The following RNF121 variants were observed in gnomAD, a reference collection of about 807,000 sequenced individuals.
RNF121 encodes the protein E3 ubiquitin ligase RNF121.
RNF121 carries 21 observed loss-of-function variants against 46.5 expected under a neutral mutation model. The observed-to-expected ratio is 0.45, with a 90% CI of 0.32 to 0.65. The LOEUF is 0.65. RNF121 is among the 30% of genes least tolerant of loss of function. The pLI is 0.04. For missense variants in RNF121, 346 were observed against 416.0 expected, an observed-to-expected ratio of 0.83 and a Z score of 1.46; for synonymous variants, 139 against 144.7, an observed-to-expected ratio of 0.96 and a Z score of 0.28.
intron 2 of RNF121, among the ~76,000 whole-genome samples, chr11:71,959,455 A>G (rs1954074740): frequency 6.6e-6 from 1 of 152,184 alleles, no homozygotes. Flanking sequence ...TTCCATGAAG[A>G]CACTATTTAT....
chr11:71,936,514 C>T (rs1217422695), intron 1 of RNF121, among the ~76,000 whole-genome samples: 1 of 151,862 alleles, frequency 6.6e-6, no homozygotes, highest in African/African-American at 2.4e-5. Flanking sequence ...CTCAGCCTCC[C>T]GAGTAGCTGG....
At chr11:71,934,210 T>C (rs1002092117) in intron 1 of RNF121, among the ~76,000 whole-genome samples, 3 of 152,270 alleles carry the variant, frequency 2.0e-5, no homozygotes, top group Admixed American at 1.3e-4. Context: ...AACTTAGTCC[T>C]CAAACTTCTG....
intron 5 of RNF121, among the ~76,000 whole-genome samples, chr11:71,989,749 T>A (rs1170991453): frequency 6.6e-6 from 1 of 152,338 alleles, no homozygotes; most frequent in South Asian, 2.1e-4. Flanking sequence ...TTAAATAGAC[T>A]TGGACCAAAA....
chr11:71,946,621 A>G (rs1290276563), intron 1 of RNF121, among the ~76,000 whole-genome samples: 1 of 151,796 alleles, frequency 6.6e-6, no homozygotes, highest in Non-Finnish European at 1.5e-5. Context: ...GGGGATGGGA[A>G]TGAGGAGTTA....
chr11:71,951,922 A>G (rs890750577), intron 1 of RNF121, among the ~76,000 whole-genome samples: 4 of 152,214 alleles, frequency 2.6e-5, no homozygotes, highest in African/African-American at 9.6e-5. Flanking sequence ...TAGTTCCTCA[A>G]AAGGTTAAGC....
chr11:71,990,174 C>T (rs1954838980), intron 5 of RNF121, among the ~76,000 whole-genome samples: 2 of 152,188 alleles, frequency 1.3e-5, no homozygotes, highest in African/African-American at 4.8e-5. Context: ...GATGGCTCAG[C>T]TGTTTCAACT....
chr11:71,994,514 A>G (rs903775096), intron 6 of RNF121, among the ~76,000 whole-genome samples: 1 of 151,826 alleles, frequency 6.6e-6, no homozygotes, highest in African/African-American at 2.4e-5. Context: ...ACTTCTCCCC[A>G]TCTGCCCAGC....
intron 1 of RNF121, among the ~76,000 whole-genome samples, chr11:71,936,685 C>T (rs903084859): frequency 1.4e-4 from 21 of 152,194 alleles, no homozygotes; most frequent in African/African-American, 4.6e-4. Flanking sequence ...TGAGCCACTG[C>T]GCCCGGCCTT....
chr11:71,964,167 TG>T (rs1187193216), intron 3 of RNF121, among the ~76,000 whole-genome samples: 1 of 152,230 alleles, frequency 6.6e-6, no homozygotes, highest in African/African-American at 2.4e-5. Context: ...TTCATTTATT[TG>T]GGTCTTTAAT....
At chr11:71,971,152 G>T (rs1380876653) in intron 3 of RNF121, among the ~76,000 whole-genome samples, 1 of 152,296 alleles carries the variant, frequency 6.6e-6, no homozygotes, top group South Asian at 2.1e-4. Context: ...GGGAGGCTGA[G>T]GGGGGCAGAT....
chr11:71,959,672 GT>G (rs1456869178), intron 2 of RNF121, among the ~76,000 whole-genome samples: 25 of 118,736 alleles, frequency 2.1e-4, no homozygotes, highest in Admixed American at 5.3e-4. Flanking sequence ...ATCTCATTCT[GT>G]CGCCCAGGAC....
intron 4 of RNF121, among the ~76,000 whole-genome samples, chr11:71,985,117 A>G (rs1954747703): frequency 6.6e-6 from 1 of 151,968 alleles, no homozygotes; most frequent in African/African-American, 2.4e-5. Context: ...AGTAGAGACA[A>G]GGTCTTACTG....
intron 1 of RNF121, among the ~76,000 whole-genome samples, chr11:71,956,701 C>G (rs1380848065): frequency 6.6e-6 from 1 of 152,190 alleles, no homozygotes; most frequent in Non-Finnish European, 1.5e-5. Flanking sequence ...ACTTTTTGCT[C>G]TAGCCATACT....
At chr11:71,970,712 A>G (rs1326834002) in intron 3 of RNF121, among the ~76,000 whole-genome samples, 1 of 152,210 alleles carries the variant, frequency 6.6e-6, no homozygotes, top group Non-Finnish European at 1.5e-5. Flanking sequence ...TGGTCCATGC[A>G]TGGACTAATG....
chr11:71,970,582 G>A (rs572211598), intron 3 of RNF121, among the ~76,000 whole-genome samples: 1 of 151,828 alleles, frequency 6.6e-6, no homozygotes, highest in East Asian at 1.9e-4. Context: ...AGATTGCTTG[G>A]GCCCAGGAGT....
chr11:71,965,087 TA>T (rs938669048), intron 3 of RNF121, among the ~76,000 whole-genome samples: 2 of 152,198 alleles, frequency 1.3e-5, no homozygotes, highest in African/African-American at 4.8e-5. Flanking sequence ...GAACCACTGT[TA>T]ATCAATTTGT....
At chr11:71,942,795 T>C (rs866998902) in intron 1 of RNF121, among the ~76,000 whole-genome samples, 1 of 60,454 alleles carries the variant, frequency 1.7e-5, no homozygotes, top group African/African-American at 7.3e-5. Context: ...TATATAGATA[T>C]ATATATGTAC....
chr11:71,969,299 T>G (rs1240762745), intron 3 of RNF121, among the ~76,000 whole-genome samples: 2 of 152,108 alleles, frequency 1.3e-5, no homozygotes, highest in East Asian at 3.9e-4. Context: ...CATAATGGAA[T>G]ATAACATATA....
At chr11:71,970,203 T>C (rs1405011506) in intron 3 of RNF121, among the ~76,000 whole-genome samples, 2 of 152,272 alleles carry the variant, frequency 1.3e-5, no homozygotes, top group African/African-American at 2.4e-5. Context: ...AGTAGAATGA[T>C]GGCTAGGGAG....
Sources: gnomAD v4.1 joint callset for allele counts (sites outside exome capture counted in the v4.1 genomes callset) on GRCh38, gnomAD v4.1.1 for gene constraint, MANE v1.5 for transcripts, NCBI Gene and HGNC (gene_info 2026-07-23, HGNC 2026-07-21) for gene names.